The following RANBP2 variants were observed in gnomAD, a reference collection of about 807,000 sequenced individuals.
The protein encoded by RANBP2 is E3 SUMO-protein ligase RanBP2.
RANBP2 carries 57 observed loss-of-function variants against 303.6 expected under a neutral mutation model. The observed-to-expected ratio is 0.19, with a 90% CI of 0.15 to 0.23. The LOEUF (loss-of-function observed/expected upper bound fraction) is 0.23. Ranked by LOEUF, RANBP2 falls within the 10% of genes least tolerant of loss-of-function variation. RANBP2 has a pLI of 1.00. For missense variants in RANBP2, 3,138 were observed against 3,780.8 expected (o/e 0.83, Z 4.46); for synonymous variants, 1,167 against 1,301.5 (o/e 0.90, Z 2.23).
chr2:109,568,473 G>A, the RANBP2 span, among the ~76,000 whole-genome samples: 1 of 149,796 alleles, frequency 6.7e-6, no homozygotes, highest in African/African-American at 2.5e-5. Context: ...CTGGGTTCAA[G>A]CGATTCTCTT....
chr2:108,958,784 G>C, the RANBP2 span, among the ~76,000 whole-genome samples: 2 of 152,256 alleles, frequency 1.3e-5, no homozygotes, highest in East Asian at 3.8e-4. Context: ...GTTGTGACTG[G>C]ATGTGAATGA....
chr2:109,588,557 G>T, the RANBP2 span, among the ~76,000 whole-genome samples: 1 of 152,114 alleles, frequency 6.6e-6, no homozygotes, highest in South Asian at 2.1e-4. Flanking sequence ...GAAGTGGTAT[G>T]ATCTTGGCTC....
the RANBP2 span, among the ~76,000 whole-genome samples, chr2:108,915,854 G>GCAA: frequency 6.6e-6 from 1 of 151,786 alleles, no homozygotes; most frequent in Admixed American, 6.6e-5. Flanking sequence ...TCGAGACCAC[G>GCAA]CCATTGCACT....
the RANBP2 span, among the ~76,000 whole-genome samples, chr2:109,425,622 C>T: frequency 4.6e-5 from 7 of 152,256 alleles, no homozygotes; most frequent in African/African-American, 9.6e-5. Context: ...GGGACAACCA[C>T]GCCTGCATGA....
chr2:109,721,126 A>T, the RANBP2 span, among the ~76,000 whole-genome samples: 2 of 152,172 alleles, frequency 1.3e-5, no homozygotes, highest in African/African-American at 4.8e-5. Context: ...ATATTAATTC[A>T]TATCATTACT....
the RANBP2 span, among the ~76,000 whole-genome samples, chr2:109,397,108 G>A: frequency 6.6e-6 from 1 of 152,148 alleles, no homozygotes; most frequent in Non-Finnish European, 1.5e-5. Flanking sequence ...CAGAGACCCT[G>A]TAGGCCCCAA....
At chr2:108,783,074 C>G (rs1486889300) in intron 28 of RANBP2, among the ~76,000 whole-genome samples, 3 of 152,096 alleles carry the variant, frequency 2.0e-5, no homozygotes, top group African/African-American at 7.2e-5. Flanking sequence ...CACAATGACT[C>G]ATACCTGTAA....
At chr2:109,659,388 A>C in the RANBP2 span, among the ~76,000 whole-genome samples, 5 of 152,276 alleles carry the variant, frequency 3.3e-5, no homozygotes, top group South Asian at 2.1e-4. Flanking sequence ...AACACACACA[A>C]AAAAACAAAA....
chr2:109,450,128 C>T, the RANBP2 span, among the ~76,000 whole-genome samples: 50 of 152,146 alleles, frequency 3.3e-4, no homozygotes, highest in South Asian at 6.2e-4. Flanking sequence ...GGCGGATCAC[C>T]TGAGGTCAGG....
chr2:109,319,642 A>C, the RANBP2 span, among the ~76,000 whole-genome samples: 1 of 152,154 alleles, frequency 6.6e-6, no homozygotes, highest in Non-Finnish European at 1.5e-5. Context: ...TTGTTTTTAA[A>C]CATTCCCCTT....
chr2:109,458,063 C>T, the RANBP2 span, among the ~76,000 whole-genome samples: 1 of 152,144 alleles, frequency 6.6e-6, no homozygotes, highest in Admixed American at 6.5e-5. Flanking sequence ...GGTGCAGGAG[C>T]CGGGGAGGGC....
chr2:108,755,286 A>G, intron 17 of RANBP2, 27 bp downstream of exon 17: 7 of 1,611,566 alleles, frequency 4.3e-6, no homozygotes, highest in Non-Finnish European at 5.1e-6. Context: ...CTCTAGCTGT[A>G]CTTTTTATTC....
chr2:109,654,986 T>G, the RANBP2 span, among the ~76,000 whole-genome samples: 1 of 151,530 alleles, frequency 6.6e-6, no homozygotes, highest in Non-Finnish European at 1.5e-5. Context: ...CATTGCAACC[T>G]CTGCTTCCTG....
chr2:109,482,319 C>T, the RANBP2 span, among the ~76,000 whole-genome samples: 32 of 152,202 alleles, frequency 2.1e-4, no homozygotes, highest in Non-Finnish European at 3.4e-4. Flanking sequence ...TTATGTAGTC[C>T]GTTTTACACA....
At chr2:108,981,444 C>A in the RANBP2 span, among the ~76,000 whole-genome samples, 1 of 152,324 alleles carries the variant, frequency 6.6e-6, no homozygotes, top group Non-Finnish European at 1.5e-5. Context: ...GAATGGCTGG[C>A]CAGGTCTGCT....
chr2:109,523,210 C>T, the RANBP2 span, among the ~76,000 whole-genome samples: 20 of 152,226 alleles, frequency 1.3e-4, no homozygotes, highest in African/African-American at 4.6e-4. Context: ...CCTCCAGGAC[C>T]GCTATGTCAC....
At chr2:109,080,407 G>A in the RANBP2 span, among the ~76,000 whole-genome samples, 9 of 152,256 alleles carry the variant, frequency 5.9e-5, no homozygotes, top group Admixed American at 5.9e-4. Context: ...AGCTTTGGGA[G>A]AGTGTCGGAG....
chr2:109,422,524 C>G, the RANBP2 span, among the ~76,000 whole-genome samples: 1 of 152,184 alleles, frequency 6.6e-6, no homozygotes, highest in Non-Finnish European at 1.5e-5. Flanking sequence ...AGAAGGGTCT[C>G]AGTTTGCTCA....
At chr2:108,778,823 C>G (rs1678048944) in intron 25 of RANBP2, among the ~76,000 whole-genome samples, 1 of 150,930 alleles carries the variant, frequency 6.6e-6, no homozygotes, top group African/African-American at 2.4e-5. Context: ...ACCTCCTGGG[C>G]TCTAAAGCAA....
Sources: gnomAD v4.1 joint callset for allele counts (sites outside exome capture counted in the v4.1 genomes callset) on GRCh38, gnomAD v4.1.1 for gene constraint, MANE v1.5 for transcripts, NCBI Gene and HGNC (gene_info 2026-07-23, HGNC 2026-07-21) for gene names.